Variants in STPG2 observed in about 807,000 individuals in gnomAD.
STPG2 encodes sperm tail PG-rich repeat containing 2.
A neutral mutation model predicts 54.2 loss-of-function variants in STPG2; 56 were observed. That is an observed-to-expected ratio of 1.03 (90% CI 0.83 to 1.29). The LOEUF is 1.29. Among genes scored for constraint, STPG2 ranks in the 50% most tolerant of loss-of-function variants. STPG2 has a pLI of 0.00. For missense variants in STPG2, 596 were observed against 544.9 expected, an observed-to-expected ratio of 1.09 and a Z score of -0.93; for synonymous variants, 200 against 181.8, an observed-to-expected ratio of 1.10 and a Z score of -0.81.
intron 7 of STPG2, among the ~76,000 whole-genome samples, chr4:97,953,445 G>A (rs1733548027): frequency 6.6e-6 from 1 of 152,176 alleles, no homozygotes; most frequent in Admixed American, 6.5e-5. Context: ...GCTTCTCCCA[G>A]TCTGCCTGTA....
At chr4:97,620,354 T>C (rs898481949) in intron 10 of STPG2, among the ~76,000 whole-genome samples, 1 of 152,242 alleles carries the variant, frequency 6.6e-6, no homozygotes, top group African/African-American at 2.4e-5. Context: ...TATAATTATG[T>C]AGTGCTTTAA....
intron 4 of STPG2, among the ~76,000 whole-genome samples, chr4:97,507,969 G>A (rs1031133257): frequency 2.6e-5 from 4 of 151,842 alleles, no homozygotes; most frequent in African/African-American, 7.3e-5. Flanking sequence ...TTAGCCGCCC[G>A]CTACTCCCCA....
At chr4:98,081,218 T>C (rs953666465) in intron 5 of STPG2, among the ~76,000 whole-genome samples, 1 of 152,190 alleles carries the variant, frequency 6.6e-6, no homozygotes, top group Non-Finnish European at 1.5e-5. Context: ...ATACTTCAAC[T>C]TTTTTAAGGA....
intron 9 of STPG2, among the ~76,000 whole-genome samples, chr4:97,786,082 A>T (rs1726814121): frequency 6.6e-6 from 1 of 152,076 alleles, no homozygotes; most frequent in Non-Finnish European, 1.5e-5. Flanking sequence ...ATAAGTTTTG[A>T]CAAGCTTATA....
chr4:97,679,389 A>G lies in STPG2; in HGVS notation c.1320+33310T>C, dbSNP rs1227062785. Among the ~76,000 whole-genome samples, 6 of 151,858 alleles carry G rather than the reference A, an allele frequency of 4.0e-5. No individual in the cohort carries two copies. In the East Asian group the frequency reaches 1.2e-3, roughly 29 times the overall value. ...CTCTGATGGCCAGTAATGGTGAGCA[A>G]TTTTTCATGTGTTTCTTGGCTGCAT... On this transcript the variant is annotated intron_variant, in intron 10 of 10. Transcript: ENST00000295268.
intron 10 of STPG2, among the ~76,000 whole-genome samples, chr4:97,576,439 T>C (rs766424562): frequency 3.3e-5 from 5 of 151,822 alleles, no homozygotes; most frequent in African/African-American, 7.3e-5. Flanking sequence ...TGGAACAGAA[T>C]AGAGAACCCA....
intron 3 of STPG2, among the ~76,000 whole-genome samples, chr4:98,112,161 T>G (rs1436513628): frequency 1.3e-5 from 2 of 152,118 alleles, no homozygotes; most frequent in East Asian, 3.9e-4. Context: ...ATAATGATGT[T>G]TCAATGATGG....
chr4:97,614,076 G>T (rs1288269082), intron 10 of STPG2, among the ~76,000 whole-genome samples: 2 of 151,194 alleles, frequency 1.3e-5, no homozygotes, highest in Admixed American at 1.3e-4. Flanking sequence ...GTATACCAGG[G>T]GATTTCAAAA....
chr4:97,867,257 T>C (rs1029713762), intron 8 of STPG2, among the ~76,000 whole-genome samples: 3 of 152,006 alleles, frequency 2.0e-5, no homozygotes, highest in Non-Finnish European at 2.9e-5. Context: ...TTTGGTATTT[T>C]GCTGTCTCAT....
At chr4:97,465,900 A>G (rs1198225546) in intron 4 of STPG2, among the ~76,000 whole-genome samples, 1 of 151,986 alleles carries the variant, frequency 6.6e-6, no homozygotes, top group African/African-American at 2.4e-5. Flanking sequence ...GTTCTTGAGT[A>G]TATTAATTCT....
intron 4 of STPG2, among the ~76,000 whole-genome samples, chr4:97,470,598 T>C (rs10022077): frequency 0.082 from 12,536 of 152,120 alleles, 741 homozygotes; most frequent in African/African-American, 0.17. Context: ...TATGATAAAG[T>C]TTAACTTATA....
At chr4:98,005,127 C>T (rs1249485816) in intron 5 of STPG2, among the ~76,000 whole-genome samples, 3 of 152,106 alleles carry the variant, frequency 2.0e-5, no homozygotes, top group Admixed American at 6.6e-5. Flanking sequence ...GGGCAGGAAG[C>T]GTCCAGCACA....
chr4:97,737,164 G>A (rs1285700400), intron 9 of STPG2, among the ~76,000 whole-genome samples: 4 of 152,144 alleles, frequency 2.6e-5, no homozygotes, highest in Non-Finnish European at 5.9e-5. Context: ...TCTGTTAGAA[G>A]GAAAACTAAT....
chr4:97,656,979 G>T (rs1248398990), intron 10 of STPG2, among the ~76,000 whole-genome samples: 2 of 151,760 alleles, frequency 1.3e-5, no homozygotes, highest in African/African-American at 4.8e-5. Context: ...GCCATATTTG[G>T]TATATTTTTA....
intron 10 of STPG2, among the ~76,000 whole-genome samples, chr4:97,678,067 A>G (rs1722908776): frequency 1.3e-5 from 2 of 152,164 alleles, no homozygotes; most frequent in South Asian, 4.1e-4. Context: ...GATGTTAGTA[A>G]TTATATGTGT....
chr4:98,133,146 G>A (rs941494403), intron 2 of STPG2, among the ~76,000 whole-genome samples: 3 of 151,914 alleles, frequency 2.0e-5, no homozygotes, highest in Non-Finnish European at 4.4e-5. Context: ...GCAAACATTT[G>A]AGTGGAATCT....
At chr4:97,560,344 C>G (rs1257044930) in intron 10 of STPG2, among the ~76,000 whole-genome samples, 1 of 152,124 alleles carries the variant, frequency 6.6e-6, no homozygotes, top group Non-Finnish European at 1.5e-5. Flanking sequence ...ACTTTGGGTA[C>G]AGCCATAAGA....
At chr4:97,650,982 G>T (rs1722049415) in intron 10 of STPG2, among the ~76,000 whole-genome samples, 1 of 151,760 alleles carries the variant, frequency 6.6e-6, no homozygotes, top group Non-Finnish European at 1.5e-5. Flanking sequence ...TGGCTCCCCA[G>T]GCCCCTTAGA....
intron 10 of STPG2, among the ~76,000 whole-genome samples, chr4:97,601,434 T>G (rs1483333229): frequency 1.3e-5 from 2 of 152,086 alleles, no homozygotes; most frequent in Non-Finnish European, 2.9e-5. Context: ...TTATTTCATC[T>G]AACCAGAATT....
Sources: gnomAD v4.1 joint callset for allele counts (sites outside exome capture counted in the v4.1 genomes callset) on GRCh38, gnomAD v4.1.1 for gene constraint, MANE v1.5 for transcripts, NCBI Gene and HGNC (gene_info 2026-07-23, HGNC 2026-07-21) for gene names.